The following PALLD variants were observed in gnomAD, a reference collection of about 807,000 sequenced individuals.
PALLD encodes the protein palladin, cytoskeletal associated protein.
PALLD carries 61 observed loss-of-function variants against 123.5 expected under a neutral mutation model. The observed-to-expected ratio is 0.49, with a 90% CI of 0.40 to 0.61. The LOEUF (loss-of-function observed/expected upper bound fraction) is 0.61. PALLD is among the 20% of genes least tolerant of loss of function. The pLI, the probability that PALLD is intolerant of heterozygous loss-of-function variation, is 0.00. For missense variants in PALLD, 1,273 were observed against 1,377.0 expected, an observed-to-expected ratio of 0.92 and a Z score of 1.20; for synonymous variants, 465 against 496.4, an observed-to-expected ratio of 0.94 and a Z score of 0.84.
At chr4:168,574,097 T>A (rs1769278890) in intron 2 of PALLD, among the ~76,000 whole-genome samples, 1 of 152,038 alleles carries the variant, frequency 6.6e-6, no homozygotes, top group Non-Finnish European at 1.5e-5. Context: ...ATGCTGGAGA[T>A]AATAAAAAGG....
intron 2 of PALLD, among the ~76,000 whole-genome samples, chr4:168,579,532 T>C (rs1770008418): frequency 6.6e-6 from 1 of 152,060 alleles, no homozygotes; most frequent in South Asian, 2.1e-4. Flanking sequence ...AACAAGCATA[T>C]AATATCGGGT....
chr4:168,914,386 C>T (rs1037368739), intron 16 of PALLD, among the ~76,000 whole-genome samples: 8 of 152,282 alleles, frequency 5.3e-5, no homozygotes, highest in Middle Eastern at 3.4e-3. Context: ...TGTGAGTGGA[C>T]GCACACATTA....
Position 168,926,464 on chromosome 4 carries a change from A to C in PALLD, c.*284A>C. 2 of 994,656 alleles carry C rather than the reference A, an allele frequency of 2.0e-6. No homozygotes were observed. 61.6% of individuals were successfully genotyped at this position (994,656 alleles called of 1,614,324 possible). ...ATATTCCTTTGTCACATTATGTAAAAGGCAGAAACATACCTTTGACTATAA... is the reference window on the plus strand; with the variant it reads ...ATATTCCTTTGTCACATTATGTAAACGGCAGAAACATACCTTTGACTATAA... On this transcript the variant is annotated 3_prime_UTR_variant, in exon 22 of 22. Coordinates refer to ENST00000505667, the MANE Select transcript of PALLD (RefSeq NM_001166108.2).
intron 10 of PALLD, among the ~76,000 whole-genome samples, chr4:168,797,678 C>G (rs1372376852): frequency 1.3e-5 from 2 of 152,098 alleles, no homozygotes; most frequent in Non-Finnish European, 2.9e-5. Context: ...CAAGGTCAAA[C>G]TATTCCATAT....
intron 2 of PALLD, among the ~76,000 whole-genome samples, chr4:168,600,521 C>T (rs1772536210): frequency 6.6e-6 from 1 of 152,070 alleles, no homozygotes; most frequent in South Asian, 2.1e-4. Context: ...CCCCTGCTTG[C>T]AAATCATATA....
intron 15 of PALLD, chr4:168,904,314 C>A: frequency 5.5e-6 from 1 of 183,426 alleles, no homozygotes; most frequent in Admixed American, 5.3e-5. Context: ...AAAAACTCAA[C>A]AAAGTAAAAT....
At position 168,927,893 on chromosome 4, in the gene PALLD, T is replaced by C. The variant is rs765552955; in HGVS notation, c.*1713T>C. ...TATGAAAAGAAAACACTGTATTCCT[T>C]ATGCAAAACACATGTATCTTTCATT... On this transcript the variant is annotated 3_prime_UTR_variant, in exon 22 of 22. Coordinates refer to ENST00000505667, the MANE Select transcript of PALLD (RefSeq NM_001166108.2). 1 of 205,630 alleles carries C rather than the reference T, an allele frequency of 4.9e-6. No individual in the cohort carries two copies. Among genetic ancestry groups the C allele is most frequent in the Non-Finnish European group, 1.0e-5 (1 of 100,326 alleles). The allele number at this position is 205,630 out of a possible 1,614,324, so 12.7% of individuals were successfully genotyped here.
chr4:168,737,115 G>A lies in PALLD; in HGVS notation c.1964+25192G>A, dbSNP rs1474742838. ...CTATGCATGCAAAAAAGAATACCAG[G>A]GTTTGTTCTCTCCTCTTTTAAACAC... On this transcript the variant is annotated intron_variant, in intron 10 of 21. Coordinates refer to ENST00000505667, the MANE Select transcript of PALLD (RefSeq NM_001166108.2). 3.9e-5 allele frequency among the ~76,000 whole-genome samples: 6 copies of A among 152,086 alleles called. No individual in the cohort carries two copies. In the East Asian group the frequency reaches 7.7e-4, roughly 20 times the overall value.
At chr4:168,561,129 G>T (rs754361758) in intron 2 of PALLD, among the ~76,000 whole-genome samples, 1 of 152,030 alleles carries the variant, frequency 6.6e-6, no homozygotes, top group African/African-American at 2.4e-5. Flanking sequence ...GTGCTCTGAG[G>T]CCTCCCTGGA....
intron 11 of PALLD, among the ~76,000 whole-genome samples, chr4:168,893,838 TC>T (rs1754557734): frequency 6.6e-6 from 1 of 152,238 alleles, no homozygotes; most frequent in African/African-American, 2.4e-5. Context: ...ACTACCACTT[TC>T]TTTGCCTGAT....
chr4:168,900,252 T>C, intron 14 of PALLD, among the ~76,000 whole-genome samples: 1 of 152,152 alleles, frequency 6.6e-6, no homozygotes, highest in Non-Finnish European at 1.5e-5. Flanking sequence ...GGGAGTCCCA[T>C]TTCAGCATGA....
chr4:168,824,103 T>A (rs1743092286), intron 10 of PALLD, among the ~76,000 whole-genome samples: 1 of 152,206 alleles, frequency 6.6e-6, no homozygotes, highest in Admixed American at 6.5e-5. Context: ...AATAAATTAA[T>A]CTCTAATGAG....
At chr4:168,625,500 G>GAGATAGAT (rs148655486) in intron 2 of PALLD, among the ~76,000 whole-genome samples, 5 of 35,242 alleles carry the variant, frequency 1.4e-4, no homozygotes, top group Non-Finnish European at 3.6e-4. Context: ...TAATATCCAG[G>GAGATAGAT]AGATATATAT....
intron 10 of PALLD, among the ~76,000 whole-genome samples, chr4:168,857,266 C>T (rs563444431): frequency 2.6e-5 from 4 of 152,302 alleles, no homozygotes; most frequent in South Asian, 2.1e-4. Context: ...CTCTGTAAGA[C>T]GACTTCATTG....
chr4:168,917,612 C>T (rs534412619), intron 17 of PALLD, among the ~76,000 whole-genome samples: 1 of 152,198 alleles, frequency 6.6e-6, no homozygotes, highest in South Asian at 2.1e-4. Flanking sequence ...TCTGCTGGTT[C>T]TGTATGGAAT....
At chr4:168,679,429 ATG>A (rs1781298715) in intron 3 of PALLD, among the ~76,000 whole-genome samples, 1 of 46,064 alleles carries the variant, frequency 2.2e-5, no homozygotes, top group African/African-American at 9.9e-5. Flanking sequence ...TAGGGTATGG[ATG>A]TGTGGGGTGT....
At chr4:168,624,403 C>T (rs1005286838) in intron 2 of PALLD, among the ~76,000 whole-genome samples, 3 of 151,980 alleles carry the variant, frequency 2.0e-5, no homozygotes, top group African/African-American at 7.2e-5. Context: ...ATCCACCCCC[C>T]GCAAAAAAGC....
chr4:168,556,392 G>A (rs1767311320), intron 2 of PALLD, among the ~76,000 whole-genome samples: 1 of 152,164 alleles, frequency 6.6e-6, no homozygotes, highest in African/African-American at 2.4e-5. Flanking sequence ...ACGGCGCCCG[G>A]CCATATTAAT....
chr4:168,572,640 A>G (rs1769115615), intron 2 of PALLD, among the ~76,000 whole-genome samples: 1 of 151,866 alleles, frequency 6.6e-6, no homozygotes, highest in South Asian at 2.1e-4. Flanking sequence ...TGGCACCACC[A>G]TCTAGCCACT....
Sources: allele counts gnomAD v4.1 joint callset (sites outside exome capture counted in the v4.1 genomes callset), GRCh38; gene constraint gnomAD v4.1.1; transcripts MANE v1.5; gene names NCBI Gene and HGNC (gene_info 2026-07-23, HGNC 2026-07-21).